The following PROX1 variants were observed in gnomAD, a reference collection of about 807,000 sequenced individuals.
PROX1 encodes the protein prospero homeobox 1, also known as prospero homeobox protein 1.
A neutral mutation model predicts 58.8 loss-of-function variants in PROX1; 7 were observed. The observed-to-expected ratio is 0.12, with a 90% CI of 0.07 to 0.22. The LOEUF is 0.22. Among genes scored for constraint, PROX1 ranks in the 10% least tolerant of loss-of-function variants. The pLI is 1.00. For missense variants in PROX1, 675 were observed against 927.8 expected (o/e 0.73, Z 3.54); for synonymous variants, 350 against 358.3 (o/e 0.98, Z 0.26).
At chr1:214,001,877 A>AG (rs1663525326) in intron 2 of PROX1, among the ~76,000 whole-genome samples, 1 of 151,140 alleles carries the variant, frequency 6.6e-6, no homozygotes, top group Admixed American at 6.6e-5. Context: ...AAAAAAAAAA[A>AG]TCCCTACACT....
intron 2 of PROX1, among the ~76,000 whole-genome samples, chr1:213,999,626 T>C (rs1002380908): frequency 6.6e-6 from 1 of 152,204 alleles, no homozygotes; most frequent in South Asian, 2.1e-4. Context: ...TCTCTTATAC[T>C]GAGCAAGAGA....
At chr1:214,026,811 C>G (rs958799906) in intron 4 of PROX1, among the ~76,000 whole-genome samples, 10 of 152,142 alleles carry the variant, frequency 6.6e-5, no homozygotes, top group African/African-American at 2.2e-4. Flanking sequence ...AGCAGCCCCC[C>G]AGATCCGTAC....
intron 1 of PROX1, among the ~76,000 whole-genome samples, chr1:213,992,835 A>T (rs972209567): frequency 2.0e-5 from 3 of 152,206 alleles, no homozygotes; most frequent in Non-Finnish European, 4.4e-5. Context: ...CTTCTTTATT[A>T]AAGTAGAGCA....
chr1:213,984,515 C>T (rs915052324), upstream of PROX1: 1 of 152,260 alleles, frequency 6.6e-6, no homozygotes, highest in Non-Finnish European at 1.5e-5. Context: ...GGAGAGAAAA[C>T]GCTGCAGCTG....
upstream of PROX1, chr1:213,986,291 T>G (rs1403531626): frequency 6.6e-6 from 1 of 152,112 alleles, no homozygotes; most frequent in Non-Finnish European, 1.5e-5. Flanking sequence ...AGAAGAAGGC[T>G]GGGGATGCTC....
intron 3 of PROX1, among the ~76,000 whole-genome samples, chr1:214,008,913 A>G (rs1288708656): frequency 6.6e-6 from 1 of 151,036 alleles, no homozygotes; most frequent in Admixed American, 6.6e-5. Context: ...TCCTTTGAGA[A>G]GGACAAGTGG....
In PROX1 at chr1:213,998,131, C is replaced by T. The variant is rs1558171217; in HGVS notation, c.1596C>T (p.His532=). 1 of 1,614,128 alleles carries T rather than the reference C, an allele frequency of 6.2e-7. No homozygotes were observed. The highest frequency in any genetic ancestry group is 1.3e-5 in the African/African-American group (1 of 74,944). Residue 532 remains histidine (H), a synonymous_variant, in exon 2 of 5, where the codon CAC becomes CAT. Coordinates refer to ENST00000366958, the MANE Select transcript of PROX1 (RefSeq NM_001270616.2). ...TSLRTKMSSH[H]LSHHPCSPAH... is the part of the protein sequence containing the mutation. ...TGAGGACCAAGATGTCATCTCACCA[C>T]CTGAGCCACCACCCTTGTTCACCAG...
chr1:214,024,384 G>T (rs1664383084), intron 4 of PROX1, among the ~76,000 whole-genome samples: 4 of 152,134 alleles, frequency 2.6e-5, no homozygotes. Context: ...ACCAAGGGAT[G>T]GGATTGAGGC....
intron 4 of PROX1, among the ~76,000 whole-genome samples, chr1:214,033,291 T>G (rs1261940661): frequency 6.6e-6 from 1 of 152,198 alleles, no homozygotes; most frequent in African/African-American, 2.4e-5. Context: ...TCTTGAAACG[T>G]TTATTTTAAT....
chr1:214,032,481 G>A (rs375635297), intron 4 of PROX1, among the ~76,000 whole-genome samples: 7 of 151,368 alleles, frequency 4.6e-5, no homozygotes, highest in African/African-American at 1.7e-4. Context: ...TGCAACCTCC[G>A]CCACCTGGGC....
intron 2 of PROX1, among the ~76,000 whole-genome samples, chr1:214,002,798 A>G (rs868004911): frequency 6.6e-6 from 1 of 152,248 alleles, no homozygotes; most frequent in Non-Finnish European, 1.5e-5. Context: ...GAAATTAACC[A>G]ATTGGTCAGT....
At chr1:214,024,196 G>T (rs1037140075) in intron 4 of PROX1, among the ~76,000 whole-genome samples, 2 of 152,140 alleles carry the variant, frequency 1.3e-5, no homozygotes, top group Non-Finnish European at 1.5e-5. Flanking sequence ...GCCTGTCTTT[G>T]CAATCTATTT....
intron 4 of PROX1, among the ~76,000 whole-genome samples, chr1:214,028,601 G>C (rs900505751): frequency 6.6e-6 from 1 of 152,120 alleles, no homozygotes; most frequent in Non-Finnish European, 1.5e-5. Flanking sequence ...CCAGGAATTA[G>C]GGCTCCTCTT....
At chr1:213,987,017 G>T (rs1396390487), upstream of PROX1, among the ~76,000 whole-genome samples, 1 of 152,192 alleles carries the variant, frequency 6.6e-6, no homozygotes, top group Non-Finnish European at 1.5e-5. Flanking sequence ...TTGCCCAGGC[G>T]TCAAAACTGT....
At chr1:214,031,613 CT>C (rs1419296879) in intron 4 of PROX1, among the ~76,000 whole-genome samples, 4 of 152,068 alleles carry the variant, frequency 2.6e-5, no homozygotes, top group Non-Finnish European at 5.9e-5. Flanking sequence ...TAAAAGAAAC[CT>C]AGATAAGGGA....
rs756436683 is a variant in PROX1 at position 213,997,789 on chromosome 1, G to A, written c.1254G>A (p.Pro418=). The stretch of plus-strand genomic sequence containing the variant: ...AGTGCTTTGGCGACGTCATCATTCC[G>A]AACCCCCTGGACACCTTTGGCAATG... ...RLQCFGDVII[P]NPLDTFGNVQ... Residue 418 remains proline (P), a synonymous_variant, in exon 2 of 5, where the codon CCG becomes CCA. Coordinates refer to ENST00000366958, the MANE Select transcript of PROX1 (RefSeq NM_001270616.2). This position sits in a 1 kb window ranked among gnomAD's most constrained non-coding sequence, Gnocchi z 7.1. 1.8e-5 allele frequency: 29 copies of A among 1,614,062 alleles called. No individual in the cohort carries two copies. In the African/African-American group the frequency reaches 3.1e-4, roughly 17 times the overall value.
intron 4 of PROX1, among the ~76,000 whole-genome samples, chr1:214,022,225 C>T (rs143142036): frequency 2.4e-4 from 37 of 152,296 alleles, no homozygotes; most frequent in Admixed American, 2.4e-3. Context: ...AAGTGTCTTA[C>T]CCTGCCTGTA....
chr1:214,024,745 G>A (rs984631790), intron 4 of PROX1, among the ~76,000 whole-genome samples: 7 of 152,194 alleles, frequency 4.6e-5, no homozygotes, highest in African/African-American at 1.4e-4. Context: ...ATTCTCGAAC[G>A]AAACAGGAGT....
chr1:213,999,400 T>C (rs1571806621), intron 2 of PROX1, among the ~76,000 whole-genome samples: 1 of 152,230 alleles, frequency 6.6e-6, no homozygotes, highest in East Asian at 1.9e-4. Flanking sequence ...TTTTGAGCAA[T>C]TGTCTTGATG....
Sources: allele counts gnomAD v4.1 joint callset (sites outside exome capture counted in the v4.1 genomes callset), GRCh38; gene constraint gnomAD v4.1.1; non-coding constraint Gnocchi (gnomAD v3.1); transcripts MANE v1.5; gene names NCBI Gene and HGNC (gene_info 2026-07-23, HGNC 2026-07-21).